PEX5L: variants seen among roughly 807,000 people sequenced by gnomAD.
The protein encoded by PEX5L is peroxisomal biogenesis factor 5 like.
A neutral mutation model predicts 84.0 loss-of-function variants in PEX5L; 30 were observed. The ratio of observed to expected loss-of-function variants is 0.36; its 90% CI spans 0.27 to 0.48. PEX5L has a LOEUF of 0.48. Among genes scored for constraint, PEX5L ranks in the 20% least tolerant of loss-of-function variants. The pLI, the probability that PEX5L is intolerant of heterozygous loss-of-function variation, is 0.99. For synonymous variants in PEX5L, 270 were observed against 283.1 expected (o/e 0.95, Z 0.46); for missense variants, 533 against 754.6 (o/e 0.71, Z 3.44).
chr3:179,973,432 A>G (rs1785262047), intron 1 of PEX5L: 1 of 1,120,928 alleles, frequency 8.9e-7, no homozygotes, highest in Non-Finnish European at 1.1e-6. Flanking sequence ...ACTCACTGAA[A>G]TGAAAATTTC....
At chr3:179,999,044 C>A (rs1238378598) in intron 1 of PEX5L, among the ~76,000 whole-genome samples, 4 of 152,220 alleles carry the variant, frequency 2.6e-5, no homozygotes, top group African/African-American at 9.7e-5. Flanking sequence ...GAACTTCAAG[C>A]AATGCACCTG....
intron 8 of PEX5L, among the ~76,000 whole-genome samples, chr3:179,822,179 G>A (rs999102652): frequency 5.9e-5 from 9 of 152,170 alleles, no homozygotes; most frequent in African/African-American, 1.9e-4. Flanking sequence ...CTCCCATTGG[G>A]TGATACGAGA....
intron 2 of PEX5L, among the ~76,000 whole-genome samples, chr3:179,931,810 T>C (rs539219435): frequency 3.2e-4 from 48 of 152,270 alleles, no homozygotes; most frequent in African/African-American, 1.1e-3. Context: ...TTAACTTCAT[T>C]TATAATGAAA....
At chr3:179,971,851 C>T (rs1784838993) in intron 1 of PEX5L, among the ~76,000 whole-genome samples, 186 bp from the exon 2 acceptor site, 2 of 152,112 alleles carry the variant, frequency 1.3e-5, no homozygotes, top group Admixed American at 6.6e-5. Flanking sequence ...TATAATTATT[C>T]ATTAACAATA....
intron 8 of PEX5L, among the ~76,000 whole-genome samples, chr3:179,833,060 C>T (rs1163228333): frequency 6.6e-6 from 1 of 152,174 alleles, no homozygotes; most frequent in East Asian, 1.9e-4. Flanking sequence ...GAATCTGGGC[C>T]TTAGGACATC....
In PEX5L at chr3:179,835,186, T is replaced by C. The variant is rs145942472; in HGVS notation, c.823-15210A>G. Among the ~76,000 whole-genome samples, 144 of 152,302 alleles carry C rather than the reference T, an allele frequency of 9.5e-4. 2 individuals carry two copies. The highest frequency in any genetic ancestry group is 3.1e-3 in the African/African-American group (129 of 41,564). On this transcript the variant is annotated intron_variant, in intron 8 of 14. Transcript: ENST00000467460. ...TCACTTGGAAGGAACAGCTGGGGTG[T>C]TGAAAAGTATTCTGCACCAAGTCAG...
intron 2 of PEX5L, among the ~76,000 whole-genome samples, chr3:179,954,925 T>C (rs1372435523): frequency 6.6e-6 from 1 of 152,018 alleles, no homozygotes; most frequent in Non-Finnish European, 1.5e-5. Context: ...AGTGACTAAA[T>C]TGGACAGTTA....
chr3:179,904,277 C>G (rs762475697), intron 2 of PEX5L, among the ~76,000 whole-genome samples: 3 of 152,164 alleles, frequency 2.0e-5, no homozygotes, highest in Non-Finnish European at 4.4e-5. Flanking sequence ...AGGAAGTCTT[C>G]TGGGATTAAT....
intron 7 of PEX5L, among the ~76,000 whole-genome samples, chr3:179,867,289 TC>T (rs371722506): frequency 2.0e-5 from 3 of 152,162 alleles, no homozygotes; most frequent in Non-Finnish European, 2.9e-5. Context: ...TGGGTTTTTT[TC>T]CTGCCCTTTA....
chr3:179,910,325 C>G (rs902728148), intron 2 of PEX5L, among the ~76,000 whole-genome samples: 1 of 152,196 alleles, frequency 6.6e-6, no homozygotes, highest in African/African-American at 2.4e-5. Context: ...CACATGACCT[C>G]AAATTACAGT....
chr3:179,834,908 A>G (rs1734403359), intron 8 of PEX5L, among the ~76,000 whole-genome samples: 1 of 152,204 alleles, frequency 6.6e-6, no homozygotes, highest in Admixed American at 6.5e-5. Flanking sequence ...CGAGGTTCTT[A>G]GGGTGGGCTC....
At chr3:179,858,746 G>A (rs1020652933) in intron 8 of PEX5L, among the ~76,000 whole-genome samples, 1 of 152,086 alleles carries the variant, frequency 6.6e-6, no homozygotes, top group Non-Finnish European at 1.5e-5. Context: ...CCATAGCATT[G>A]GTTCACCATA....
At chr3:179,819,273 T>C (rs1250565976) in intron 9 of PEX5L, among the ~76,000 whole-genome samples, 1 of 152,174 alleles carries the variant, frequency 6.6e-6, no homozygotes, top group Non-Finnish European at 1.5e-5. Flanking sequence ...CAACTGGGAC[T>C]TCATGAGTGA....
intron 2 of PEX5L, among the ~76,000 whole-genome samples, chr3:179,929,073 C>T (rs1270351402): frequency 6.6e-6 from 1 of 152,202 alleles, no homozygotes; most frequent in African/African-American, 2.4e-5. Flanking sequence ...ATGATAATGA[C>T]TTATTCCATC....
chr3:179,933,116 C>T (rs1773569366), intron 2 of PEX5L, among the ~76,000 whole-genome samples: 1 of 152,178 alleles, frequency 6.6e-6, no homozygotes, highest in South Asian at 2.1e-4. Flanking sequence ...TGGTATTTGC[C>T]TTTCTGCACC....
At chr3:179,864,354 A>G (rs892528092) in intron 7 of PEX5L, among the ~76,000 whole-genome samples, 2 of 152,164 alleles carry the variant, frequency 1.3e-5, no homozygotes, top group Non-Finnish European at 2.9e-5. Context: ...ATTCAGCCTT[A>G]TACAAGAAAG....
intron 2 of PEX5L, among the ~76,000 whole-genome samples, chr3:179,925,994 C>T (rs1771333518): frequency 6.6e-6 from 1 of 151,924 alleles, no homozygotes. Flanking sequence ...AACCAATCTC[C>T]CCCCTCCAAA....
intron 2 of PEX5L, among the ~76,000 whole-genome samples, chr3:179,932,516 A>T (rs1205945570): frequency 6.6e-6 from 1 of 152,182 alleles, no homozygotes; most frequent in Non-Finnish European, 1.5e-5. Context: ...TAGTATTGCC[A>T]AATTCTGCTT....
At chr3:179,917,729 G>A (rs1412511070) in intron 2 of PEX5L, among the ~76,000 whole-genome samples, 1 of 151,962 alleles carries the variant, frequency 6.6e-6, no homozygotes, top group Non-Finnish European at 1.5e-5. Flanking sequence ...GCATGATCTC[G>A]GCTCACCGCA....
Sources: allele counts gnomAD v4.1 joint callset (sites outside exome capture counted in the v4.1 genomes callset), GRCh38; gene constraint gnomAD v4.1.1; transcripts MANE v1.5; gene names NCBI Gene and HGNC (gene_info 2026-07-23, HGNC 2026-07-21).